CCDC171: variants seen among roughly 807,000 people sequenced by gnomAD.
The protein encoded by CCDC171 is coiled-coil domain-containing protein 171.
A neutral mutation model predicts 168.2 loss-of-function variants in CCDC171; 177 were observed. The observed-to-expected ratio is 1.05, with a 90% CI of 0.93 to 1.19. The LOEUF is 1.19. Ranked by LOEUF, CCDC171 falls within the 50% of genes most tolerant of loss-of-function variation. The pLI is 0.00. For synonymous variants in CCDC171, 687 were observed against 540.8 expected, an observed-to-expected ratio of 1.27 and a Z score of -3.75; for missense variants, 1,991 against 1,539.0, an observed-to-expected ratio of 1.29 and a Z score of -4.91.
chr9:15,678,980 C>A, intron 10 of CCDC171, 84 bp downstream of exon 10: 2 of 1,027,434 alleles, frequency 1.9e-6, no homozygotes, highest in Non-Finnish European at 2.8e-6. Flanking sequence ...CACCACATTC[C>A]ATGAGATAAT....
chr9:15,806,289 G>T (rs879901064), intron 21 of CCDC171, among the ~76,000 whole-genome samples: 6 of 152,082 alleles, frequency 3.9e-5, no homozygotes, highest in Non-Finnish European at 8.8e-5. Flanking sequence ...ATGCTAGATG[G>T]TTATTTTTCG....
Position 15,827,440 on chromosome 9 carries a change from C to T in CCDC171, c.3268-19262C>T, listed in dbSNP as rs189560309. Among the ~76,000 whole-genome samples the T allele has an allele frequency of 1.4e-3, 211 of 152,312 alleles. 2 individuals carry two copies. The highest frequency in any genetic ancestry group is 1.8e-3 in the Non-Finnish European group (124 of 68,032). On this transcript the variant is annotated intron_variant, in intron 21 of 25. Coordinates refer to ENST00000380701, the MANE Select transcript of CCDC171 (RefSeq NM_173550.4). The stretch of plus-strand genomic sequence containing the variant: ...TTTCTGTACACATCTCCTACATACA[C>T]TCTAGGTTGAAGATTGAAGCTTTCA...
intron 21 of CCDC171, among the ~76,000 whole-genome samples, chr9:15,790,259 CTGT>C (rs1230441630): frequency 6.6e-6 from 1 of 152,174 alleles, no homozygotes; most frequent in South Asian, 2.1e-4. Flanking sequence ...TCTTCAGCAC[CTGT>C]TGTTTCCTTT....
intron 25 of CCDC171, among the ~76,000 whole-genome samples, chr9:15,945,688 G>C (rs1462887519): frequency 1.3e-5 from 2 of 150,750 alleles, no homozygotes; most frequent in Non-Finnish European, 3.0e-5. Flanking sequence ...CTTTTGAGTA[G>C]TGTCTGTTCA....
chr9:15,766,635 AG>A (rs1200564793), intron 18 of CCDC171, among the ~76,000 whole-genome samples: 2 of 148,968 alleles, frequency 1.3e-5, no homozygotes, highest in African/African-American at 5.0e-5. Context: ...AGATTCTCTT[AG>A]TTACATTTAT....
rs144929120 is a variant in CCDC171, at chr9:15,923,502, G to A, written c.3753+3080G>A. Among the ~76,000 whole-genome samples, 1,027 of 151,310 alleles carry A rather than the reference G, an allele frequency of 6.8e-3. 12 individuals are homozygous for A. Among genetic ancestry groups the A allele is most frequent in the Middle Eastern group, 0.01 (3 of 294 alleles). On this transcript the variant is annotated intron_variant, in intron 25 of 25. Transcript: ENST00000380701. ...GTTACCAGAGGATGGAGTGGATAGG[G>A]GAGAGAGAGCAATGGGGAGATGTTG...
intron 21 of CCDC171, among the ~76,000 whole-genome samples, chr9:15,837,593 C>T (rs80020427): frequency 0.016 from 2,486 of 152,250 alleles, 80 homozygotes; most frequent in African/African-American, 0.057. Flanking sequence ...AGAAACTGCC[C>T]AGAGGCTTGA....
intron 7 of CCDC171, among the ~76,000 whole-genome samples, chr9:15,643,925 T>G (rs1482390589): frequency 6.6e-6 from 1 of 152,250 alleles, no homozygotes; most frequent in African/African-American, 2.4e-5. Context: ...ATTTTCTTGC[T>G]GGATAATATT....
chr9:15,705,515 A>G (rs2052151574), intron 11 of CCDC171, among the ~76,000 whole-genome samples: 1 of 152,052 alleles, frequency 6.6e-6, no homozygotes, highest in South Asian at 2.1e-4. Flanking sequence ...CTTTGTACTG[A>G]CCATTCCTTC....
intron 1 of CCDC171, among the ~76,000 whole-genome samples, chr9:16,056,215 T>C (rs1337240076): frequency 6.6e-6 from 1 of 152,228 alleles, no homozygotes; most frequent in African/African-American, 2.4e-5. Flanking sequence ...TTTATATATT[T>C]TCCACATTTT....
intron 21 of CCDC171, among the ~76,000 whole-genome samples, chr9:15,831,458 A>G (rs2060230740): frequency 1.3e-5 from 2 of 152,228 alleles, no homozygotes; most frequent in Non-Finnish European, 2.9e-5. Flanking sequence ...CTATTAATGT[A>G]TGAAACCTAG....
chr9:16,080,990 C>T, the CCDC171 span, among the ~76,000 whole-genome samples: 4 of 152,118 alleles, frequency 2.6e-5, no homozygotes, highest in African/African-American at 4.8e-5. Flanking sequence ...TATTTGCAGC[C>T]GTCTCTCTTG....
chr9:16,069,716 C>G, the CCDC171 span, among the ~76,000 whole-genome samples: 1 of 152,246 alleles, frequency 6.6e-6, no homozygotes, highest in Non-Finnish European at 1.5e-5. Context: ...CTCTGGAACA[C>G]TATTCCCAGC....
chr9:15,937,862 A>G (rs1268451447), intron 25 of CCDC171, among the ~76,000 whole-genome samples: 1 of 151,922 alleles, frequency 6.6e-6, no homozygotes, highest in African/African-American at 2.4e-5. Context: ...ACTGTGAATC[A>G]TGTATGGACA....
downstream of CCDC171, among the ~76,000 whole-genome samples, chr9:15,974,584 A>G (rs118001026): frequency 1.4e-3 from 207 of 152,330 alleles, 2 homozygotes; most frequent in Non-Finnish European, 2.6e-3. Context: ...TATTGTTCTG[A>G]TACCTGAGTC....
chr9:15,593,836 G>T (rs2042156382), intron 5 of CCDC171, among the ~76,000 whole-genome samples: 1 of 151,712 alleles, frequency 6.6e-6, no homozygotes, highest in Non-Finnish European at 1.5e-5. Flanking sequence ...ATATAAACAA[G>T]GTATAATCTG....
At chr9:16,054,584 C>T (rs1833803902) in intron 1 of CCDC171, among the ~76,000 whole-genome samples, 1 of 152,180 alleles carries the variant, frequency 6.6e-6, no homozygotes, top group Non-Finnish European at 1.5e-5. Flanking sequence ...TGTGACAGGC[C>T]TCCTACCTGT....
intron 6 of CCDC171, among the ~76,000 whole-genome samples, chr9:15,612,780 T>TG (rs1345651689): frequency 6.6e-6 from 1 of 152,234 alleles, no homozygotes; most frequent in Non-Finnish European, 1.5e-5. Context: ...CCTGATACTT[T>TG]GGTGGCTTTA....
chr9:15,676,110 C>T (rs2049536554), intron 9 of CCDC171, among the ~76,000 whole-genome samples: 1 of 152,132 alleles, frequency 6.6e-6, no homozygotes, highest in African/African-American at 2.4e-5. Context: ...CTTCTCACTT[C>T]ATTTCATTCA....
Sources: allele counts gnomAD v4.1 joint callset (sites outside exome capture counted in the v4.1 genomes callset), GRCh38; gene constraint gnomAD v4.1.1; transcripts MANE v1.5; gene names NCBI Gene and HGNC (gene_info 2026-07-23, HGNC 2026-07-21).